Variants in MAMDC2 observed in about 807,000 individuals in gnomAD.
MAMDC2 encodes MAM domain-containing protein 2.
Under a neutral mutation model 89.8 loss-of-function variants are expected in MAMDC2, and 57 were observed. The ratio of observed to expected loss-of-function variants is 0.63; its 90% CI spans 0.51 to 0.79. MAMDC2 has a LOEUF of 0.79. Ranked by LOEUF, MAMDC2 falls within the 30% of genes least tolerant of loss-of-function variation. MAMDC2 has a pLI of 0.00. For synonymous variants in MAMDC2, 313 were observed against 293.4 expected (o/e 1.07, Z -0.68); for missense variants, 800 against 820.6 (o/e 0.97, Z 0.31).
chr9:70,097,036 T>C (rs1454197729), intron 2 of MAMDC2, among the ~76,000 whole-genome samples: 2 of 152,170 alleles, frequency 1.3e-5, no homozygotes, highest in Non-Finnish European at 2.9e-5. Context: ...AAGTCGGACA[T>C]GATCTGTCCC....
intron 2 of MAMDC2, among the ~76,000 whole-genome samples, chr9:70,052,740 A>C (rs1269498146): frequency 6.6e-6 from 1 of 152,202 alleles, no homozygotes; most frequent in Non-Finnish European, 1.5e-5. Flanking sequence ...AAAAATAAAA[A>C]ATCCTTAACA....
At chr9:70,079,879 G>T (rs1018408292) in intron 2 of MAMDC2, among the ~76,000 whole-genome samples, 2 of 152,046 alleles carry the variant, frequency 1.3e-5, no homozygotes, top group African/African-American at 4.8e-5. Flanking sequence ...CTGAGTGGGA[G>T]CATGTGCAGC....
chr9:70,061,176 C>T (rs1179352183), intron 2 of MAMDC2, among the ~76,000 whole-genome samples: 1 of 152,214 alleles, frequency 6.6e-6, no homozygotes, highest in Admixed American at 6.5e-5. Context: ...AGCTACCAAT[C>T]ACTGCCATTT....
chr9:70,116,890 C>T (rs2030026308), intron 5 of MAMDC2, among the ~76,000 whole-genome samples: 1 of 152,060 alleles, frequency 6.6e-6, no homozygotes, highest in Admixed American at 6.5e-5. Context: ...TCTTCCCCTC[C>T]CATCTCCCTC....
intron 6 of MAMDC2, among the ~76,000 whole-genome samples, chr9:70,126,925 G>A (rs1008060062): frequency 2.7e-5 from 4 of 150,750 alleles, no homozygotes; most frequent in Non-Finnish European, 4.4e-5. Context: ...GCCCTAGTTT[G>A]AAACAAGGCT....
At chr9:70,152,299 C>T (rs577446491) in intron 9 of MAMDC2, among the ~76,000 whole-genome samples, 1 of 151,912 alleles carries the variant, frequency 6.6e-6, no homozygotes, top group African/African-American at 2.4e-5. Flanking sequence ...TTCCCTCAGA[C>T]CATTCTAGCA....
intron 5 of MAMDC2, among the ~76,000 whole-genome samples, chr9:70,119,088 GTTTC>G (rs1243771724): frequency 6.9e-6 from 1 of 145,486 alleles, no homozygotes; most frequent in East Asian, 2.0e-4. Context: ...TCACATATGG[GTTTC>G]TTTCTTTATT....
chr9:70,179,523 C>CAAA (rs745526034), intron 11 of MAMDC2, among the ~76,000 whole-genome samples: 2 of 90,888 alleles, frequency 2.2e-5, no homozygotes, highest in East Asian at 6.9e-4. Flanking sequence ...GACTCCGTCT[C>CAAA]AAAAAAAATA....
Position 70,207,500 on chromosome 9 carries a change from G to C in MAMDC2, c.1652-10837G>C, listed in dbSNP as rs866146482. ...TGTTTGATTTTTTTCTTGTTAATTT[G>C]TTTTAAGTTCTTTGTAGATTCTGGA... On this transcript the variant is annotated intron_variant, in intron 11 of 13. Coordinates refer to ENST00000377182, the MANE Select transcript of MAMDC2 (RefSeq NM_153267.5). Among the ~76,000 whole-genome samples, 3 of 132,214 alleles carry C rather than the reference G, an allele frequency of 2.3e-5. No homozygotes were observed. The East Asian group carries it at 9.4e-4, about 41-fold the overall frequency. 86.7% of individuals were successfully genotyped at this position (132,214 alleles called of 152,430 possible).
At chr9:70,140,106 C>A in intron 7 of MAMDC2, 39 bp from the exon 8 acceptor site, 1 of 1,520,144 alleles carries the variant, frequency 6.6e-7, no homozygotes, top group Non-Finnish European at 8.7e-7. Context: ...CCTTTGAGAT[C>A]TTTGGGACTG....
At chr9:70,048,212 T>C (rs1300172918) in intron 2 of MAMDC2, among the ~76,000 whole-genome samples, 1 of 152,220 alleles carries the variant, frequency 6.6e-6, no homozygotes, top group Non-Finnish European at 1.5e-5. Flanking sequence ...CAGACTCAAA[T>C]TTGAACTCAC....
chr9:70,198,497 T>C (rs1450565661), intron 11 of MAMDC2, among the ~76,000 whole-genome samples: 1 of 152,098 alleles, frequency 6.6e-6, no homozygotes, highest in Non-Finnish European at 1.5e-5. Context: ...TACTAGAATA[T>C]ATAAGCCAAG....
At chr9:70,072,432 T>C (rs894982587) in intron 2 of MAMDC2, among the ~76,000 whole-genome samples, 6 of 152,196 alleles carry the variant, frequency 3.9e-5, no homozygotes, top group Non-Finnish European at 8.8e-5. Context: ...CTTTCCAACA[T>C]AGATTACAAA....
intron 2 of MAMDC2, among the ~76,000 whole-genome samples, chr9:70,104,785 G>A (rs1828288929): frequency 6.6e-6 from 1 of 152,118 alleles, no homozygotes; most frequent in Non-Finnish European, 1.5e-5. Context: ...TGCTAGGGGT[G>A]GGGAGAATGA....
At chr9:70,068,725 C>CAAAA (rs34946038) in intron 2 of MAMDC2, among the ~76,000 whole-genome samples, 10 of 99,726 alleles carry the variant, frequency 1.0e-4, no homozygotes, top group African/African-American at 1.6e-4. Flanking sequence ...CCCTCCATCA[C>CAAAA]AAAAAAAAAA....
At chr9:70,140,017 A>T in intron 7 of MAMDC2, 128 bp from the exon 8 acceptor site, 1 of 901,076 alleles carries the variant, frequency 1.1e-6, no homozygotes, top group Non-Finnish European at 1.6e-6. Flanking sequence ...GGATAAAGAT[A>T]TTTAGTTGTG....
At chr9:70,072,431 A>G (rs559130576) in intron 2 of MAMDC2, among the ~76,000 whole-genome samples, 19 of 152,198 alleles carry the variant, frequency 1.2e-4, no homozygotes, top group Non-Finnish European at 2.6e-4. Flanking sequence ...CCTTTCCAAC[A>G]TAGATTACAA....
intron 2 of MAMDC2, among the ~76,000 whole-genome samples, chr9:70,046,798 G>A (rs918305755): frequency 6.6e-6 from 1 of 152,246 alleles, no homozygotes; most frequent in Non-Finnish European, 1.5e-5. Flanking sequence ...TGGGTTGGCT[G>A]GCGGAAGTTA....
chr9:70,182,712 C>A (rs559754448), intron 11 of MAMDC2, among the ~76,000 whole-genome samples: 1 of 152,204 alleles, frequency 6.6e-6, no homozygotes, highest in Non-Finnish European at 1.5e-5. Flanking sequence ...TTCCCTTTAT[C>A]ATTTTTTATT....
Sources: allele counts gnomAD v4.1 joint callset (sites outside exome capture counted in the v4.1 genomes callset), GRCh38; gene constraint gnomAD v4.1.1; transcripts MANE v1.5; gene names NCBI Gene and HGNC (gene_info 2026-07-23, HGNC 2026-07-21).